The following EXD3 variants were observed in gnomAD, a reference collection of about 807,000 sequenced individuals.
EXD3 encodes exonuclease 3'-5' domain containing 3, also known as exonuclease mut-7 homolog.
In EXD3, 92 loss-of-function variants were observed where a neutral mutation model predicts 98.0. That is an observed-to-expected ratio of 0.94 (90% CI 0.79 to 1.12). EXD3 has a LOEUF of 1.12. Ranked by LOEUF, EXD3 falls within the 50% of genes most tolerant of loss-of-function variation. The pLI, the probability that EXD3 is intolerant of heterozygous loss-of-function variation, is 0.00. For synonymous variants in EXD3, 569 were observed against 526.0 expected, an observed-to-expected ratio of 1.08 and a Z score of -1.12; for missense variants, 1,222 against 1,191.6, an observed-to-expected ratio of 1.03 and a Z score of -0.38.
intron 3 of EXD3, among the ~76,000 whole-genome samples, chr9:137,380,727 T>A (rs1467461959): frequency 2.8e-5 from 3 of 107,582 alleles, no homozygotes; most frequent in African/African-American, 3.8e-5. Flanking sequence ...TGGCATCCCC[T>A]GCACTGAGCT....
Position 137,331,979 on chromosome 9 carries a change from G to A in EXD3, c.1999-7836C>T, listed in dbSNP as rs114548808. 4.1e-3 allele frequency among the ~76,000 whole-genome samples: 623 copies of A among 152,050 alleles called. 11 individuals are homozygous for A. Among genetic ancestry groups the A allele is most frequent in the African/African-American group, 0.014 (599 of 41,498 alleles). Reference sequence around the variant, plus strand: ...ACTCAATCCTTTTTACAATATCTGCGCAACGACAACACACACACACACACA... The same window carrying A: ...ACTCAATCCTTTTTACAATATCTGCACAACGACAACACACACACACACACA... On this transcript the variant is annotated intron_variant, in intron 17 of 21. Coordinates refer to ENST00000340951, the MANE Select transcript of EXD3 (RefSeq NM_017820.5).
rs1396869561 is a variant in EXD3 at position 137,390,292 on chromosome 9, A to C, written c.55+5011T>G. On this transcript the variant is annotated intron_variant, in intron 2 of 21. Transcript: ENST00000340951. ...AAAAAAATACAAAAAATTAGCCGGG[A>C]GTGGCGGCGGGCACCTGTAGTCCCA... Among the ~76,000 whole-genome samples the C allele has an allele frequency of 5.0e-3, 740 of 149,156 alleles. 12 individuals are homozygous for C. The highest frequency in any genetic ancestry group is 0.017 in the African/African-American group (689 of 39,980).
intron 7 of EXD3, among the ~76,000 whole-genome samples, chr9:137,364,808 G>T (rs905349854): frequency 3.8e-5 from 5 of 133,138 alleles, no homozygotes; most frequent in Non-Finnish European, 7.7e-5. Flanking sequence ...TCGCTCTGTC[G>T]CCCAGGCTGC....
chr9:137,319,155 A>G (rs1831885328), intron 19 of EXD3, among the ~76,000 whole-genome samples: 1 of 152,260 alleles, frequency 6.6e-6, no homozygotes, highest in Non-Finnish European at 1.5e-5. Flanking sequence ...GGGCAGCTCC[A>G]GGGCGGAGGG....
At chr9:137,388,744 G>A (rs1008586331) in intron 2 of EXD3, among the ~76,000 whole-genome samples, 5 of 152,108 alleles carry the variant, frequency 3.3e-5, no homozygotes, top group African/African-American at 7.2e-5. Flanking sequence ...CTCCTCTTGG[G>A]GCCTGGGTCA....
At chr9:137,367,522 G>A (rs908179866) in intron 6 of EXD3, 1 of 173,142 alleles carries the variant, frequency 5.8e-6, no homozygotes, top group African/African-American at 2.4e-5. Context: ...GTGGGTTCGA[G>A]GACTGTGTCA....
At chr9:137,398,829 C>G (rs1385925850) in intron 1 of EXD3, among the ~76,000 whole-genome samples, 2 of 148,006 alleles carry the variant, frequency 1.4e-5, no homozygotes, top group East Asian at 4.0e-4. Flanking sequence ...GTCCCCGTGA[C>G]ACACGTGCAC....
At chr9:137,319,260 C>T (rs866538813) in intron 19 of EXD3, among the ~76,000 whole-genome samples, 3 of 152,236 alleles carry the variant, frequency 2.0e-5, no homozygotes, top group Non-Finnish European at 2.9e-5. Context: ...CATAGCCAGC[C>T]GAGCCCTGCA....
At chr9:137,322,336 C>T (rs1477833662) in intron 19 of EXD3, among the ~76,000 whole-genome samples, 2 of 151,998 alleles carry the variant, frequency 1.3e-5, no homozygotes, top group Non-Finnish European at 2.9e-5. Flanking sequence ...CGACGCCTCA[C>T]CCTGGACCAG....
At chr9:137,384,366 G>A (rs924247877) in intron 2 of EXD3, among the ~76,000 whole-genome samples, 13 of 152,246 alleles carry the variant, frequency 8.5e-5, no homozygotes, top group African/African-American at 3.1e-4. Flanking sequence ...GGACCGGAAC[G>A]GAGGAGAGAA....
chr9:137,383,131 C>T (rs567642158), intron 3 of EXD3, among the ~76,000 whole-genome samples, 182 bp downstream of exon 3: 18 of 152,326 alleles, frequency 1.2e-4, no homozygotes, highest in African/African-American at 3.6e-4. Flanking sequence ...TGAGGAGGAC[C>T]GCCCCCTGCC....
In EXD3 at chr9:137,349,514, C is replaced by A; in HGVS notation, c.1512G>T (p.Val504=). 6.3e-7 allele frequency: 1 copy of A among 1,595,100 alleles called. No homozygotes were observed. The change falls in exon 15 of 22, where the codon GTG becomes GTT. Residue 504 remains valine (V), a synonymous_variant. Coordinates refer to ENST00000340951, the MANE Select transcript of EXD3 (RefSeq NM_017820.5). This position sits in a 1 kb window ranked among gnomAD's most constrained non-coding sequence, Gnocchi z 7.4. ...TGGCCCTGTCCACGGCTGGGGCTGG[C>A]ACGCTCGCCACCCGCATCTGCTAAG... is the stretch of plus-strand genomic sequence containing the variant. ...LVHRQMRVAS[V]PAPAVDRARE...
rs1401464511 is a variant in EXD3 at position 137,307,663 on chromosome 9, A to G, written c.2279-17T>C. The G allele has an allele frequency of 2.5e-6, 4 of 1,608,452 alleles. No individual in the cohort carries two copies. The highest frequency in any genetic ancestry group is 3.4e-6 in the Non-Finnish European group (4 of 1,179,606). On this transcript the variant is annotated splice_polypyrimidine_tract_variant and intron_variant, in intron 20 of 21. Coordinates refer to ENST00000340951, the MANE Select transcript of EXD3 (RefSeq NM_017820.5). ...CCTCGTCACCTGTCAGTCAAGGAAGAGAGCTGGTCCGGGACTGTCCTAGGG... is the reference window on the plus strand; with the variant it reads ...CCTCGTCACCTGTCAGTCAAGGAAGGGAGCTGGTCCGGGACTGTCCTAGGG...
At chr9:137,330,258 CCACAGGAGCTA>C (rs1237107771) in intron 17 of EXD3, among the ~76,000 whole-genome samples, 4 of 127,894 alleles carry the variant, frequency 3.1e-5, no homozygotes, top group Non-Finnish European at 6.5e-5. Flanking sequence ...ACACAGGGCT[CCACAGGAGCTA>C]CACAGGAACT....
chr9:137,329,763 GGGGTCACACGGGACTACACGGGA>G (rs1832860831), intron 17 of EXD3, among the ~76,000 whole-genome samples: 1 of 15,832 alleles, frequency 6.3e-5, no homozygotes, highest in South Asian at 2.0e-3. Context: ...GGGACTACAC[GGGGTCACACGGGACTACACGGGA>G]CTACACGGGA....
At chr9:137,406,258 G>C (rs1472787274) in intron 1 of EXD3, among the ~76,000 whole-genome samples, 1 of 134,872 alleles carries the variant, frequency 7.4e-6, no homozygotes, top group Non-Finnish European at 1.6e-5. Context: ...GAAAAGGAAA[G>C]GAAAAGAAAG....
chr9:137,349,439 G>A lies in EXD3; in HGVS notation c.1587C>T (p.Ala529=). ...SLLVQQVLGT[A]LDKTQQLSNW... ...TGGACAGCTGCTGCGTCTTGTCCAG[G>A]GCTGTGCCCAGCACCTGCTGCACCA... Residue 529 remains alanine, a synonymous_variant, in exon 15 of 22, where the codon GCC becomes GCT. Transcript: ENST00000340951. This position sits in a 1 kb window ranked among gnomAD's most constrained non-coding sequence, Gnocchi z 7.4. 4 of 1,601,536 alleles carry A rather than the reference G, an allele frequency of 2.5e-6. No individual in the cohort carries two copies.
chr9:137,336,593 G>A (rs1833363558), intron 17 of EXD3, among the ~76,000 whole-genome samples: 1 of 149,222 alleles, frequency 6.7e-6, no homozygotes, highest in Non-Finnish European at 1.5e-5. Context: ...GGGAGGCGGA[G>A]CTTGCAGTGA....
intron 3 of EXD3, chr9:137,374,457 G>T: frequency 1.6e-6 from 1 of 612,858 alleles, no homozygotes; most frequent in Non-Finnish European, 2.0e-6. Flanking sequence ...TGGATGGTGT[G>T]CTCTCCACGG....
Sources: gnomAD v4.1 joint callset for allele counts (sites outside exome capture counted in the v4.1 genomes callset) on GRCh38, gnomAD v4.1.1 for gene constraint, Gnocchi (gnomAD v3.1) non-coding constraint, MANE v1.5 for transcripts, NCBI Gene and HGNC (gene_info 2026-07-23, HGNC 2026-07-21) for gene names.